TSPAN14: variants seen among roughly 807,000 people sequenced by gnomAD.
TSPAN14 encodes the protein tetraspanin 14, also known as tetraspanin-14.
In TSPAN14, 16 loss-of-function variants were observed where a neutral mutation model predicts 36.6. That is an observed-to-expected ratio of 0.44 (90% CI 0.30 to 0.66). TSPAN14 has a LOEUF of 0.66. TSPAN14 is among the 30% of genes least tolerant of loss of function. The pLI, the probability that TSPAN14 is intolerant of heterozygous loss-of-function variation, is 0.12. For synonymous variants in TSPAN14, 139 were observed against 143.8 expected (o/e 0.97, Z 0.24); for missense variants, 231 against 355.1 (o/e 0.65, Z 2.81).
At chr10:80,487,736 C>T (rs1480573823) in intron 1 of TSPAN14, among the ~76,000 whole-genome samples, 1 of 107,438 alleles carries the variant, frequency 9.3e-6, no homozygotes, top group Admixed American at 1.0e-4. Context: ...GATGGTGGGG[C>T]GGTGGTAGGG....
intron 1 of TSPAN14, chr10:80,485,545 T>C: frequency 1.3e-6 from 1 of 773,518 alleles, no homozygotes; most frequent in South Asian, 5.9e-5. Flanking sequence ...CACCTTACAC[T>C]GTGTAGGAGG....
At chr10:80,473,620 G>A (rs2131977618) in intron 1 of TSPAN14, among the ~76,000 whole-genome samples, 1 of 151,778 alleles carries the variant, frequency 6.6e-6, no homozygotes, top group Admixed American at 6.5e-5. Context: ...CAGCTGTGTA[G>A]TGACTTCCCA....
intron 1 of TSPAN14, among the ~76,000 whole-genome samples, chr10:80,479,865 T>G (rs1225886536): frequency 1.3e-5 from 2 of 150,492 alleles, no homozygotes; most frequent in Admixed American, 1.3e-4. Flanking sequence ...TGGCATTGAA[T>G]CTATAAATTA....
chr10:80,506,253 G>A (rs1399456686), intron 3 of TSPAN14, among the ~76,000 whole-genome samples: 4 of 152,324 alleles, frequency 2.6e-5, no homozygotes, highest in South Asian at 4.1e-4. Flanking sequence ...GATTACAGAC[G>A]TGAGCCGCCA....
At chr10:80,492,853 T>C (rs1247682428) in intron 2 of TSPAN14, among the ~76,000 whole-genome samples, 1 of 152,196 alleles carries the variant, frequency 6.6e-6, no homozygotes, top group Non-Finnish European at 1.5e-5. Context: ...TAGCATTCTT[T>C]ATAGATAAAT....
chr10:80,477,908 G>GA (rs1203203971), intron 1 of TSPAN14, among the ~76,000 whole-genome samples: 1 of 152,000 alleles, frequency 6.6e-6, no homozygotes, highest in African/African-American at 2.4e-5. Context: ...CCTAAGATGG[G>GA]AAAAAAATAC....
chr10:80,456,257 TG>T (rs1049962373), intron 1 of TSPAN14, among the ~76,000 whole-genome samples: 5 of 151,684 alleles, frequency 3.3e-5, no homozygotes, highest in South Asian at 2.1e-4. Flanking sequence ...GACGGGGTTG[TG>T]GGGGGGGTCT....
intron 1 of TSPAN14, among the ~76,000 whole-genome samples, chr10:80,483,058 T>A (rs1050580829): frequency 6.6e-6 from 1 of 151,986 alleles, no homozygotes; most frequent in African/African-American, 2.4e-5. Flanking sequence ...TTCACACTTA[T>A]GAATTGTTGA....
intron 2 of TSPAN14, among the ~76,000 whole-genome samples, chr10:80,496,274 G>T (rs986078368): frequency 5.9e-5 from 9 of 151,968 alleles, no homozygotes; most frequent in Non-Finnish European, 1.3e-4. Flanking sequence ...CTGATTTTTA[G>T]ATTTTTTTCC....
chr10:80,509,351 G>A lies in TSPAN14; in HGVS notation c.330G>A (p.Val110=), dbSNP rs774592546. 1.2e-6 allele frequency: 2 copies of A among 1,614,166 alleles called. No homozygotes were observed. The highest frequency in any genetic ancestry group is 3.3e-5 in the Admixed American group (2 of 60,030). Residue 110 remains valine, a synonymous_variant, in exon 5 of 9, where the codon GTG becomes GTA. Transcript: ENST00000429989. This position sits in a 1 kb window ranked among gnomAD's most constrained non-coding sequence, Gnocchi z 4.7. ...TCTTCCTGGAGCTGGCTGTGGCCGT[G>A]CTGGCCTTCCTGTTCCAGGACTGGG...
chr10:80,482,477 G>A (rs539823262), intron 1 of TSPAN14, among the ~76,000 whole-genome samples: 2 of 150,334 alleles, frequency 1.3e-5, no homozygotes, highest in Admixed American at 6.6e-5. Flanking sequence ...TAGTAGAGAC[G>A]GGGTTTCGCC....
chr10:80,511,394 A>T (rs1018692969), intron 5 of TSPAN14, among the ~76,000 whole-genome samples: 8 of 152,174 alleles, frequency 5.3e-5, no homozygotes, highest in Non-Finnish European at 8.8e-5. Flanking sequence ...GGGAGGAAGA[A>T]CACTGCACAC....
At chr10:80,489,188 C>A in intron 1 of TSPAN14, 29 bp from the exon 2 acceptor site, 2 of 1,446,014 alleles carry the variant, frequency 1.4e-6, no homozygotes, top group Admixed American at 2.0e-5. Flanking sequence ...CTGAGCCTGC[C>A]ATCTCACTAG....
At chr10:80,516,100 G>A in intron 7 of TSPAN14, 104 bp from the exon 8 acceptor site, 12 of 1,568,150 alleles carry the variant, frequency 7.7e-6, no homozygotes, top group Non-Finnish European at 1.0e-5. Flanking sequence ...TGGATCCCTC[G>A]TTCCCACCCT....
chr10:80,466,360 C>T (rs753254130), intron 1 of TSPAN14: 4 of 152,190 alleles, frequency 2.6e-5, no homozygotes, highest in Non-Finnish European at 5.9e-5. Context: ...CTCAAGTGAT[C>T]CTCCTGCCTC....
At chr10:80,456,190 G>T (rs1845727437) in intron 1 of TSPAN14, among the ~76,000 whole-genome samples, 1 of 152,172 alleles carries the variant, frequency 6.6e-6, no homozygotes, top group African/African-American at 2.4e-5. Flanking sequence ...TGGCATAGGT[G>T]CTCAGTAGTG....
At chr10:80,475,524 A>G (rs1235397099) in intron 1 of TSPAN14, among the ~76,000 whole-genome samples, 1 of 152,160 alleles carries the variant, frequency 6.6e-6, no homozygotes, top group East Asian at 1.9e-4. Context: ...AAAAGAGAAA[A>G]AAAGTTTTAA....
At chr10:80,508,048 T>C (rs959566878) in intron 4 of TSPAN14, among the ~76,000 whole-genome samples, 1 of 152,124 alleles carries the variant, frequency 6.6e-6, no homozygotes, top group Non-Finnish European at 1.5e-5. Flanking sequence ...AGCATCTTGC[T>C]TTTATATGAA....
At chr10:80,464,135 G>C (rs1421037762) in intron 1 of TSPAN14, among the ~76,000 whole-genome samples, 1 of 152,172 alleles carries the variant, frequency 6.6e-6, no homozygotes, top group Non-Finnish European at 1.5e-5. Flanking sequence ...GGGAGCGTTG[G>C]TTGCAGCAAG....
Sources: allele counts gnomAD v4.1 joint callset (sites outside exome capture counted in the v4.1 genomes callset), GRCh38; gene constraint gnomAD v4.1.1; non-coding constraint Gnocchi (gnomAD v3.1); transcripts MANE v1.5; gene names NCBI Gene and HGNC (gene_info 2026-07-23, HGNC 2026-07-21).